Variants in LCMT1 observed in about 807,000 individuals in gnomAD.
The protein encoded by LCMT1 is [Phosphatase 2A protein]-leucine-carboxy methyltransferase 1.
In LCMT1, 32 loss-of-function variants were observed where a neutral mutation model predicts 47.7. That is an observed-to-expected ratio of 0.67 (90% confidence interval 0.51 to 0.90). The LOEUF (loss-of-function observed/expected upper bound fraction) is 0.90. Ranked by LOEUF, LCMT1 falls within the 40% of genes least tolerant of loss-of-function variation. LCMT1 has a pLI of 0.00. For synonymous variants in LCMT1, 152 were observed against 149.7 expected (o/e 1.02, Z -0.11); for missense variants, 375 against 415.2 (o/e 0.90, Z 0.84).
intron 4 of LCMT1, chr16:25,148,270 A>G (rs1317807075): frequency 1.3e-5 from 2 of 152,272 alleles, no homozygotes; most frequent in African/African-American, 2.4e-5. Context: ...ATGACAGTCA[A>G]TAAGATGTTG....
intron 1 of LCMT1, among the ~76,000 whole-genome samples, chr16:25,123,343 G>A (rs1960055864): frequency 6.8e-6 from 1 of 148,142 alleles, no homozygotes; most frequent in Non-Finnish European, 1.5e-5. Flanking sequence ...TCCTGCCTTA[G>A]CCTCTTGAGA....
chr16:25,167,512 A>G (rs1318548201), intron 7 of LCMT1, among the ~76,000 whole-genome samples: 7 of 151,724 alleles, frequency 4.6e-5, no homozygotes, highest in Admixed American at 3.9e-4. Flanking sequence ...GGGTCTTGCT[A>G]TGTTGTCCAG....
chr16:25,173,443 A>G (rs1322403523), intron 9 of LCMT1, among the ~76,000 whole-genome samples: 1 of 152,184 alleles, frequency 6.6e-6, no homozygotes, highest in East Asian at 1.9e-4. Context: ...TTCTTACTTC[A>G]GATTTGGTCC....
chr16:25,127,271 G>A (rs1277113194), intron 1 of LCMT1, among the ~76,000 whole-genome samples: 1 of 152,188 alleles, frequency 6.6e-6, no homozygotes, highest in African/African-American at 2.4e-5. Flanking sequence ...TGATTTTATT[G>A]TATTAATGGG....
intron 9 of LCMT1, among the ~76,000 whole-genome samples, chr16:25,171,444 A>AC (rs1567329873): frequency 6.6e-6 from 1 of 151,950 alleles, no homozygotes; most frequent in Non-Finnish European, 1.5e-5. Context: ...ACAAAAAAAA[A>AC]CCCCAAAAAA....
chr16:25,144,184 T>A (rs1960782381), intron 4 of LCMT1: 1 of 152,268 alleles, frequency 6.6e-6, no homozygotes, highest in Admixed American at 6.5e-5. Flanking sequence ...AATTTTTAAC[T>A]GTTAACATTC....
chr16:25,113,931 C>G (rs1243377092), intron 1 of LCMT1, among the ~76,000 whole-genome samples: 1 of 152,224 alleles, frequency 6.6e-6, no homozygotes, highest in Non-Finnish European at 1.5e-5. Flanking sequence ...CCACCCCACC[C>G]AGCCTAGTCT....
intron 4 of LCMT1, among the ~76,000 whole-genome samples, chr16:25,151,083 G>A (rs1961067211): frequency 6.6e-6 from 1 of 152,106 alleles, no homozygotes; most frequent in Non-Finnish European, 1.5e-5. Flanking sequence ...ATTCTGGATT[G>A]GGGTAGTTCC....
intron 5 of LCMT1, among the ~76,000 whole-genome samples, chr16:25,155,969 C>T (rs1029163854): frequency 5.7e-4 from 86 of 152,156 alleles, no homozygotes; most frequent in African/African-American, 1.5e-3. Context: ...CGTGAGCCCC[C>T]GCACCTGCTC....
At chr16:25,151,697 GT>G in intron 5 of LCMT1, 82 bp downstream of exon 5, 1 of 544,752 alleles carries the variant, frequency 1.8e-6, no homozygotes. Context: ...TTTGTGTTGG[GT>G]GTGTGTGTGT....
intron 2 of LCMT1, among the ~76,000 whole-genome samples, chr16:25,131,621 G>A (rs548576744): frequency 2.6e-5 from 4 of 152,242 alleles, no homozygotes; most frequent in African/African-American, 9.6e-5. Flanking sequence ...ACTGTTAACA[G>A]CCATGCACAT....
intron 5 of LCMT1, among the ~76,000 whole-genome samples, 197 bp downstream of exon 5, chr16:25,151,812 C>T (rs1961091856): frequency 6.6e-6 from 1 of 151,864 alleles, no homozygotes; most frequent in African/African-American, 2.4e-5. Context: ...GTTGAGCCTG[C>T]AGGGTGGCCA....
At chr16:25,153,641 A>G (rs892644104) in intron 5 of LCMT1, among the ~76,000 whole-genome samples, 4 of 152,276 alleles carry the variant, frequency 2.6e-5, no homozygotes, top group East Asian at 1.9e-4. Context: ...CACTGGGTAT[A>G]TTGTGATTTA....
At chr16:25,132,911 G>T (rs1478534246) in intron 3 of LCMT1, among the ~76,000 whole-genome samples, 2 of 148,290 alleles carry the variant, frequency 1.3e-5, no homozygotes, top group African/African-American at 5.1e-5. Flanking sequence ...AGGCTGGAAC[G>T]CAATGGCACA....
intron 1 of LCMT1, among the ~76,000 whole-genome samples, chr16:25,121,482 AGT>A (rs1959985814): frequency 6.6e-6 from 1 of 152,082 alleles, no homozygotes; most frequent in Admixed American, 6.5e-5. Flanking sequence ...ATCACAGAAG[AGT>A]GAGTTCTTTT....
rs1399034001 is a variant in LCMT1, at chr16:25,140,164, T to C, written c.328-7T>C. 1 of 1,600,088 alleles carries C rather than the reference T, an allele frequency of 6.2e-7. No individual in the cohort carries two copies. Among genetic ancestry groups the C allele is most frequent in the East Asian group, 2.2e-5 (1 of 44,720 alleles). On this transcript the variant is annotated splice_polypyrimidine_tract_variant and splice_region_variant and intron_variant, in intron 3 of 10. Coordinates refer to ENST00000399069, the MANE Select transcript of LCMT1 (RefSeq NM_016309.3). ...AGAAATAAAAAGTATTGTGTGTTTT[T>C]CCCCAGGATGAAGATCTTCTCCCAA...
chr16:25,118,924 G>T (rs757406215), intron 1 of LCMT1, among the ~76,000 whole-genome samples: 8 of 152,288 alleles, frequency 5.3e-5, no homozygotes, highest in South Asian at 2.1e-4. Flanking sequence ...TCTCAGTGGG[G>T]TGGGAGCTGT....
At chr16:25,127,720 C>G (rs1196818887) in intron 1 of LCMT1, among the ~76,000 whole-genome samples, 2 of 152,176 alleles carry the variant, frequency 1.3e-5, no homozygotes, top group African/African-American at 4.8e-5. Context: ...GCACTTATCT[C>G]ACAAAATCGA....
intron 1 of LCMT1, among the ~76,000 whole-genome samples, chr16:25,113,034 G>A (rs558895482): frequency 2.0e-5 from 3 of 151,784 alleles, no homozygotes; most frequent in African/African-American, 4.8e-5. Context: ...CCAGCTACTC[G>A]GGAGGCTGAG....
Sources: allele counts gnomAD v4.1 joint callset (sites outside exome capture counted in the v4.1 genomes callset), GRCh38; gene constraint gnomAD v4.1.1; transcripts MANE v1.5; gene names NCBI Gene and HGNC (gene_info 2026-07-23, HGNC 2026-07-21).